ADSS1: variants seen among roughly 807,000 people sequenced by gnomAD.
ADSS1 encodes the protein adenylosuccinate synthetase isozyme 1.
In ADSS1, 57 loss-of-function variants were observed where a neutral mutation model predicts 59.1. That is an observed-to-expected ratio of 0.97 (90% CI 0.78 to 1.20). The LOEUF is 1.20. Ranked by LOEUF, ADSS1 falls within the 50% of genes most tolerant of loss-of-function variation. The pLI, the probability that ADSS1 is intolerant of heterozygous loss-of-function variation, is 0.00. For missense variants in ADSS1, 603 were observed against 610.3 expected (o/e 0.99, Z 0.13); for synonymous variants, 247 against 249.4 (o/e 0.99, Z 0.09).
intron 11 of ADSS1, 146 bp from the exon 12 acceptor site, chr14:104,746,090 G>T: frequency 9.8e-7 from 1 of 1,019,184 alleles, no homozygotes; most frequent in East Asian, 2.6e-5. Flanking sequence ...AAATCAAACT[G>T]GGCCACGTGC....
chr14:104,727,361 C>T (rs1199901264), intron 1 of ADSS1, among the ~76,000 whole-genome samples: 1 of 152,080 alleles, frequency 6.6e-6, no homozygotes, highest in Non-Finnish European at 1.5e-5. Flanking sequence ...TTCCTCCATT[C>T]CAGGGCGGCT....
At chr14:104,724,798 G>A (rs1352644559) in intron 1 of ADSS1, among the ~76,000 whole-genome samples, 1 of 152,078 alleles carries the variant, frequency 6.6e-6, no homozygotes, top group Non-Finnish European at 1.5e-5. Flanking sequence ...CCCTCCATGG[G>A]GGAACCAGAG....
Position 104,735,069 on chromosome 14 carries a change from A to G in ADSS1, c.242A>G (p.Asp81Gly). The change falls in exon 2 of 13, where the codon GAC becomes GGC. Residue 81 changes from aspartate (D) to glycine (G), a missense_variant. Transcript: ENST00000330877. ...HTVVVDGKEY[D>G]FHLLPSGIIN... ...GTGGTGGTGGATGGGAAAGAGTACG[A>G]CTTCCACCTGCTGCCCAGCGGCATC... The G allele has an allele frequency of 6.2e-7, 1 of 1,613,490 alleles. No individual in the cohort carries two copies. Among genetic ancestry groups the G allele is most frequent in the Non-Finnish European group, 8.5e-7 (1 of 1,179,750 alleles).
intron 8 of ADSS1, among the ~76,000 whole-genome samples, chr14:104,741,593 C>T (rs1001992345): frequency 1.3e-5 from 2 of 152,174 alleles, no homozygotes; most frequent in East Asian, 1.9e-4. Context: ...ACCCCCGAGG[C>T]GGCCTGGTCA....
intron 3 of ADSS1, 44 bp from the exon 4 acceptor site, chr14:104,739,284 C>G (rs374632129): frequency 3.2e-6 from 5 of 1,585,082 alleles, no homozygotes; most frequent in Non-Finnish European, 4.3e-6. Flanking sequence ...TGAGCTGCAG[C>G]GCACCTGTGA....
Position 104,724,454 on chromosome 14 carries a change from C to T in ADSS1, c.184C>T (p.Arg62Cys), listed in dbSNP as rs1890661279. Residue 62 changes from arginine to cysteine, a missense_variant, in exon 1 of 13, where the codon CGC (arginine) becomes TGC (cysteine). Coordinates refer to ENST00000330877, the MANE Select transcript of ADSS1 (RefSeq NM_152328.5). ...GGCCACGGACGCCGACATCATCAGCCGCTGCCAGGTGCGGGCTGGGGCGCC... is the reference window on the plus strand; with the variant it reads ...GGCCACGGACGCCGACATCATCAGCTGCTGCCAGGTGCGGGCTGGGGCGCC... ...LLATDADIISRCQGGNNAGHT... is the reference protein window; with the variant it reads ...LLATDADIISCCQGGNNAGHT... 3.2e-6 allele frequency: 4 copies of T among 1,251,450 alleles called. No individual in the cohort carries two copies. The highest frequency in any genetic ancestry group is 4.0e-6 in the Non-Finnish European group (4 of 993,880). The allele number at this position is 1,251,450 out of a possible 1,614,324, so 77.5% of individuals were successfully genotyped here.
chr14:104,742,539 T>G (rs1310825720), intron 9 of ADSS1, among the ~76,000 whole-genome samples: 1 of 152,242 alleles, frequency 6.6e-6, no homozygotes, highest in Non-Finnish European at 1.5e-5. Flanking sequence ...CCTTCCTCTT[T>G]CACCCTCAAC....
At position 104,735,136 on chromosome 14, in the gene ADSS1, C is replaced by T; in HGVS notation, c.295+14C>T. 6.3e-7 allele frequency: 1 copy of T among 1,592,312 alleles called. No homozygotes were observed. The highest frequency in any genetic ancestry group is 1.1e-5 in the South Asian group (1 of 88,950). On this transcript the variant is annotated intron_variant, in intron 2 of 12. Coordinates refer to ENST00000330877, the MANE Select transcript of ADSS1 (RefSeq NM_152328.5). The stretch of plus-strand genomic sequence containing the variant: ...TGTCCTTCATTGGTGAGTGCCCTGC[C>T]CCGACCTGTGTGTGAGCAGGAAAGG...
intron 1 of ADSS1, among the ~76,000 whole-genome samples, chr14:104,733,816 G>A (rs914832768): frequency 1.3e-5 from 2 of 152,188 alleles, no homozygotes; most frequent in African/African-American, 2.4e-5. Context: ...GTATCCGTGT[G>A]TGGCCCCCCG....
chr14:104,742,502 G>A (rs917836001), intron 9 of ADSS1, among the ~76,000 whole-genome samples: 2 of 152,236 alleles, frequency 1.3e-5, no homozygotes, highest in Non-Finnish European at 2.9e-5. Context: ...AAGCTGCTGT[G>A]GCCCCAGAAT....
At chr14:104,724,586 G>A in intron 1 of ADSS1, 124 bp downstream of exon 1, 1 of 1,214,764 alleles carries the variant, frequency 8.2e-7, no homozygotes, top group Non-Finnish European at 1.0e-6. Context: ...TTCCTTCCGG[G>A]AGCACCTTTC....
chr14:104,728,248 A>G (rs1051245709), intron 1 of ADSS1, among the ~76,000 whole-genome samples: 2 of 152,120 alleles, frequency 1.3e-5, no homozygotes, highest in Non-Finnish European at 2.9e-5. Flanking sequence ...TGCCTTGGCC[A>G]GGGAATGCCT....
At chr14:104,741,064 C>G in intron 7 of ADSS1, 53 bp from the exon 8 acceptor site, 26 of 1,583,042 alleles carry the variant, frequency 1.6e-5, no homozygotes, top group Non-Finnish European at 2.2e-5. Context: ...GGGACGCAGG[C>G]CTCCCCTGCC....
chr14:104,739,859 G>T, intron 5 of ADSS1, 43 bp downstream of exon 5: 1 of 1,604,752 alleles, frequency 6.2e-7, no homozygotes, highest in Non-Finnish European at 8.5e-7. Flanking sequence ...AGTCTTCTGG[G>T]CCCGTAAGCC....
At chr14:104,733,640 T>TG in intron 1 of ADSS1, among the ~76,000 whole-genome samples, 1 of 151,908 alleles carries the variant, frequency 6.6e-6, no homozygotes, top group Non-Finnish European at 1.5e-5. Context: ...CAGAGAGCAG[T>TG]GGGGTGTGGC....
At chr14:104,739,026 G>C (rs1891229344) in intron 3 of ADSS1, among the ~76,000 whole-genome samples, 1 of 152,232 alleles carries the variant, frequency 6.6e-6, no homozygotes, top group South Asian at 2.1e-4. Flanking sequence ...GCAGCAGCTA[G>C]GGAGGAAAGC....
intron 1 of ADSS1, among the ~76,000 whole-genome samples, chr14:104,734,715 G>C (rs1236663632): frequency 1.3e-5 from 2 of 152,206 alleles, no homozygotes; most frequent in Non-Finnish European, 2.9e-5. Flanking sequence ...CATGAGAGGA[G>C]CGAGCTCCAG....
chr14:104,739,378 G>C lies in ADSS1; in HGVS notation c.409G>C (p.Val137Leu), dbSNP rs774639898. 4.1e-5 allele frequency: 66 copies of C among 1,604,906 alleles called. No individual in the cohort carries two copies. Among genetic ancestry groups the C allele is most frequent in the Non-Finnish European group, 5.4e-5 (64 of 1,176,114 alleles). The change falls in exon 4 of 13, where the codon GTG becomes CTG. Residue 137 changes from valine to leucine, a missense_variant and splice_region_variant. By Grantham distance (32) the Val-to-Leu change is conservative. Coordinates refer to ENST00000330877, the MANE Select transcript of ADSS1 (RefSeq NM_152328.5). ...CATCATCTCTGACAGAGCCCACCTT[G>C]GTACGTTTCCCACTGGAGTACAGGG... ...RLIISDRAHL[V>L]FDFHQAVDGL...
intron 1 of ADSS1, among the ~76,000 whole-genome samples, chr14:104,730,956 A>G (rs1890904088): frequency 2.1e-4 from 1 of 4,720 alleles, no homozygotes; most frequent in Non-Finnish European, 4.9e-4. Flanking sequence ...CTAGGCAGAG[A>G]GTGGGGGGGG....
Sources: gnomAD v4.1 joint callset for allele counts (sites outside exome capture counted in the v4.1 genomes callset) on GRCh38, gnomAD v4.1.1 for gene constraint, MANE v1.5 for transcripts, NCBI Gene and HGNC (gene_info 2026-07-23, HGNC 2026-07-21) for gene names.